The following DERA variants were observed in gnomAD, a reference collection of about 807,000 sequenced individuals.
DERA encodes the protein deoxyribose-phosphate aldolase.
A neutral mutation model predicts 41.1 loss-of-function variants in DERA; 15 were observed. That is an observed-to-expected ratio of 0.37 (90% confidence interval 0.24 to 0.56). DERA has a LOEUF of 0.56. DERA is among the 20% of genes least tolerant of loss of function. DERA has a pLI of 0.81. For missense variants in DERA, 396 were observed against 403.4 expected (o/e 0.98, Z 0.16); for synonymous variants, 139 against 137.4 (o/e 1.01, Z -0.08).
At chr12:15,986,871 G>C (rs1186390502) in intron 6 of DERA, among the ~76,000 whole-genome samples, 2 of 152,160 alleles carry the variant, frequency 1.3e-5, no homozygotes, top group African/African-American at 4.8e-5. Flanking sequence ...GTCTGCTGAT[G>C]ATGAGTTCTT....
chr12:15,943,135 T>G lies in DERA; in HGVS notation c.32-13801T>G, dbSNP rs1171465533. ...CTTACCTGAGGCTGTTTATGGGTAG[T>G]GAGCAGAGGAAGCTCTTCTTTGAAT... On this transcript the variant is annotated intron_variant, in intron 1 of 8. Transcript: ENST00000428559. This position sits in a 1 kb window ranked among gnomAD's most constrained non-coding sequence, Gnocchi z 4.5. Among the ~76,000 whole-genome samples, 1 of 152,230 alleles carries G rather than the reference T, an allele frequency of 6.6e-6. No individual in the cohort carries two copies. The highest frequency in any genetic ancestry group is 1.9e-4 in the East Asian group (1 of 5,190).
At chr12:16,024,027 T>A (rs1949037106) in intron 6 of DERA, among the ~76,000 whole-genome samples, 1 of 152,166 alleles carries the variant, frequency 6.6e-6, no homozygotes. Flanking sequence ...GGTACATCAG[T>A]AAGCTGGAAA....
rs1948357731 is a variant in DERA at position 15,935,434 on chromosome 12, C to T, written c.32-21502C>T. On this transcript the variant is annotated intron_variant, in intron 1 of 8. Transcript: ENST00000428559. The surrounding 1 kb of genome is among the most constrained non-coding windows in gnomAD (Gnocchi z 4.8). ...CCCGGGAGGTGGAAGTTGCAGTGAGCAATGATTATGCCACTGCACTCCAGC... is the reference window on the plus strand; with the variant it reads ...CCCGGGAGGTGGAAGTTGCAGTGAGTAATGATTATGCCACTGCACTCCAGC... Among the ~76,000 whole-genome samples the T allele has an allele frequency of 6.6e-6, 1 of 152,074 alleles. No individual in the cohort carries two copies. The highest frequency in any genetic ancestry group is 1.5e-5 in the Non-Finnish European group (1 of 68,034).
At chr12:15,950,707 A>G (rs1010516132) in intron 1 of DERA, among the ~76,000 whole-genome samples, 1 of 151,982 alleles carries the variant, frequency 6.6e-6, no homozygotes, top group Non-Finnish European at 1.5e-5. Flanking sequence ...TTATTATCAG[A>G]TTTTCCTGGC....
intron 6 of DERA, among the ~76,000 whole-genome samples, chr12:15,991,030 C>T (rs1357517321): frequency 1.3e-5 from 2 of 152,082 alleles, no homozygotes; most frequent in Non-Finnish European, 2.9e-5. Flanking sequence ...GAGGAATCGC[C>T]ATATTGTTTT....
rs1221642212 is a variant in DERA at position 15,999,620 on chromosome 12, T to C, written c.637+17184T>C. On this transcript the variant is annotated intron_variant, in intron 6 of 8. Coordinates refer to ENST00000428559, the MANE Select transcript of DERA (RefSeq NM_015954.4). This position sits in a 1 kb window ranked among gnomAD's most constrained non-coding sequence, Gnocchi z 5.3. ...GGTGAGAAAGCTGGTCTGGTTGGGC[T>C]GGAGAGTAAATGGAAAGTGGCAGAA... is the stretch of plus-strand genomic sequence containing the variant. 6.6e-6 allele frequency among the ~76,000 whole-genome samples: 1 copy of C among 152,118 alleles called. No individual in the cohort carries two copies. Among genetic ancestry groups the C allele is most frequent in the Non-Finnish European group, 1.5e-5 (1 of 68,016 alleles).
chr12:15,999,976 A>T lies in DERA; in HGVS notation c.637+17540A>T, dbSNP rs1473210674. 2.0e-5 allele frequency among the ~76,000 whole-genome samples: 3 copies of T among 152,208 alleles called. No homozygotes were observed. ...CATTAGGAAGCTGTGATAACACTTC[A>T]GCTGACCATCACGAGCTCCTGAACT... On this transcript the variant is annotated intron_variant, in intron 6 of 8. Transcript: ENST00000428559. This position sits in a 1 kb window ranked among gnomAD's most constrained non-coding sequence, Gnocchi z 5.3.
At chr12:15,968,861 T>C (rs867768376) in intron 5 of DERA, among the ~76,000 whole-genome samples, 1 of 152,160 alleles carries the variant, frequency 6.6e-6, no homozygotes, top group South Asian at 2.1e-4. Context: ...ACATAGCACA[T>C]GTGTTAAGTG....
rs1374540279 is a variant in DERA at position 15,926,707 on chromosome 12, G to A, written c.31+15293G>A. Among the ~76,000 whole-genome samples the A allele has an allele frequency of 5.6e-5, 8 of 142,602 alleles. No homozygotes were observed. The East Asian group carries it at 8.6e-4, about 15-fold the overall frequency. 93.6% of individuals were successfully genotyped at this position (142,602 alleles called of 152,430 possible). The stretch of plus-strand genomic sequence containing the variant: ...GCGGAGATCCCACCACTGCACTCCC[G>A]CCTGGGGCGACAGAGCGAGACTCCG... On this transcript the variant is annotated intron_variant, in intron 1 of 8. Transcript: ENST00000428559.
rs1341903737 is a variant in DERA at position 16,000,050 on chromosome 12, G to A, written c.637+17614G>A. On this transcript the variant is annotated intron_variant, in intron 6 of 8. Transcript: ENST00000428559. This position sits in a 1 kb window ranked among gnomAD's most constrained non-coding sequence, Gnocchi z 4.8. ...TGGGTATGGAGCAGAGTAGATGCCT[G>A]TGGGACATATCGGGGGGCAAATTTG... is the stretch of plus-strand genomic sequence containing the variant. Among the ~76,000 whole-genome samples the A allele has an allele frequency of 6.6e-6, 1 of 152,192 alleles. No homozygotes were observed. The highest frequency in any genetic ancestry group is 1.5e-5 in the Non-Finnish European group (1 of 68,036).
rs1159597746 is a variant in DERA at position 15,999,724 on chromosome 12, G to A, written c.637+17288G>A. Among the ~76,000 whole-genome samples, 1 of 152,110 alleles carries A rather than the reference G, an allele frequency of 6.6e-6. No homozygotes were observed. The highest frequency in any genetic ancestry group is 1.5e-5 in the Non-Finnish European group (1 of 68,028). On this transcript the variant is annotated intron_variant, in intron 6 of 8. Coordinates refer to ENST00000428559, the MANE Select transcript of DERA (RefSeq NM_015954.4). The surrounding 1 kb of genome is among the most constrained non-coding windows in gnomAD (Gnocchi z 5.3). The stretch of plus-strand genomic sequence containing the variant: ...TTGAAGTTTCGTGTTTGGGGGTACA[G>A]GAAATTTTTAGCCTGAGGAATGAAT...
At position 15,924,467 on chromosome 12, in the gene DERA, A is replaced by G. The variant is rs779962711; in HGVS notation, c.31+13053A>G. On this transcript the variant is annotated intron_variant, in intron 1 of 8. Transcript: ENST00000428559. The surrounding 1 kb of genome is among the most constrained non-coding windows in gnomAD (Gnocchi z 5.0). ...AAATATATTTTTCACTGTAGAGATT[A>G]CAAATACAATATTCTAGAAATAACT... Among the ~76,000 whole-genome samples the G allele has an allele frequency of 1.3e-5, 2 of 152,252 alleles. No individual in the cohort carries two copies. The highest frequency in any genetic ancestry group is 2.9e-5 in the Non-Finnish European group (2 of 68,048).
Position 15,911,403 on chromosome 12 carries a change from G to A in DERA, c.20G>A (p.Gly7Asp), listed in dbSNP as rs1252022355. 3 of 1,407,050 alleles carry A rather than the reference G, an allele frequency of 2.1e-6. No homozygotes were observed. Among genetic ancestry groups the A allele is most frequent in the Non-Finnish European group, 2.7e-6 (3 of 1,091,964 alleles). 87.2% of individuals were successfully genotyped at this position (1,407,050 alleles called of 1,614,324 possible). MSAHNR[G>D]TELDLSWISK... ...CGCGCCATGTCCGCGCACAATCGGG[G>A]CACCGAGCTCGGTAAGGGGCCCGCG... The change falls in exon 1 of 9, where the codon GGC (glycine) becomes GAC (aspartate). Residue 7 changes from glycine to aspartate, a missense_variant. Transcript: ENST00000428559. This position sits in a 1 kb window ranked among gnomAD's most constrained non-coding sequence, Gnocchi z 4.5.
intron 1 of DERA, among the ~76,000 whole-genome samples, chr12:15,917,771 A>G (rs57316606): frequency 0.022 from 3,330 of 152,210 alleles, 126 homozygotes; most frequent in African/African-American, 0.076. Context: ...GTGTTTCAAC[A>G]AGGTATTTCT....
In DERA at chr12:15,993,026, T is replaced by C. The variant is rs1353412728; in HGVS notation, c.637+10590T>C. On this transcript the variant is annotated intron_variant, in intron 6 of 8. Coordinates refer to ENST00000428559, the MANE Select transcript of DERA (RefSeq NM_015954.4). The surrounding 1 kb of genome is among the most constrained non-coding windows in gnomAD (Gnocchi z 4.4). ...TTGAGAAAAGCAGACCTTGAAGGAA[T>C]ACAAAATGAGTTTTGAACTTGGCTG... 2.0e-5 allele frequency among the ~76,000 whole-genome samples: 3 copies of C among 152,138 alleles called. No homozygotes were observed. Among genetic ancestry groups the C allele is most frequent in the East Asian group, 1.9e-4 (1 of 5,174 alleles).
At chr12:16,029,427 AAAATAAAT>A (rs77820032) in intron 6 of DERA, among the ~76,000 whole-genome samples, 55 of 150,464 alleles carry the variant, frequency 3.7e-4, no homozygotes, top group Admixed American at 7.3e-4. Flanking sequence ...ACTCCGTCTC[AAAATAAAT>A]AAATAAATAA....
rs375606723 is a variant in DERA at position 15,957,030 on chromosome 12, G to T, written c.126G>T (p.Trp42Cys). ...IQARRTVKKE[W>C]QAAWLLKAVT... is the part of the protein sequence containing the mutation. ...CTCGCAGAACCGTGAAAAAGGAGTG[G>T]CAGGTAAGGGTTCTTCTTGAGCATT... Residue 42 changes from tryptophan to cysteine, a missense_variant, in exon 2 of 9, where the codon TGG (tryptophan) becomes TGT (cysteine). Transcript: ENST00000428559. This position sits in a 1 kb window ranked among gnomAD's most constrained non-coding sequence, Gnocchi z 4.8. The T allele has an allele frequency of 1.9e-5, 30 of 1,613,036 alleles. No homozygotes were observed. Among genetic ancestry groups the T allele is most frequent in the Non-Finnish European group, 2.5e-5 (29 of 1,179,216 alleles).
chr12:16,025,305 A>G (rs1418330887), intron 6 of DERA, among the ~76,000 whole-genome samples: 19 of 152,160 alleles, frequency 1.2e-4, no homozygotes, highest in Admixed American at 1.2e-3. Flanking sequence ...GTTGTCTGTA[A>G]GAAAGCCACT....
chr12:16,013,001 T>C lies in DERA; in HGVS notation c.638-19541T>C, dbSNP rs1281192304. ...ACATTTCAAGTGCTCAGTAGCTACA[T>C]ATGGTGTGTAACTATCATATTGGAC... On this transcript the variant is annotated intron_variant, in intron 6 of 8. Transcript: ENST00000428559. This position sits in a 1 kb window ranked among gnomAD's most constrained non-coding sequence, Gnocchi z 5.8. 6.6e-6 allele frequency among the ~76,000 whole-genome samples: 1 copy of C among 152,172 alleles called. No individual in the cohort carries two copies. Among genetic ancestry groups the C allele is most frequent in the East Asian group, 1.9e-4 (1 of 5,188 alleles).
Sources: gnomAD v4.1 joint callset for allele counts (sites outside exome capture counted in the v4.1 genomes callset) on GRCh38, gnomAD v4.1.1 for gene constraint, Gnocchi (gnomAD v3.1) non-coding constraint, MANE v1.5 for transcripts, NCBI Gene and HGNC (gene_info 2026-07-23, HGNC 2026-07-21) for gene names.